MXD4: variants seen among roughly 807,000 people sequenced by gnomAD.
MXD4 encodes the protein Mad4 homolog.
MXD4 carries 16 observed loss-of-function variants against 24.5 expected under a neutral mutation model. That is an observed-to-expected ratio of 0.65 (90% CI 0.44 to 0.99). The LOEUF is 0.99. Ranked by LOEUF, MXD4 falls within the 50% of genes least tolerant of loss-of-function variation. The pLI, the probability that MXD4 is intolerant of heterozygous loss-of-function variation, is 0.00. For missense variants in MXD4, 301 were observed against 301.5 expected, an observed-to-expected ratio of 1.00 and a Z score of 0.01; for synonymous variants, 164 against 134.2, an observed-to-expected ratio of 1.22 and a Z score of -1.54.
At chr4:2,259,003 T>C (rs993480427) in intron 2 of MXD4, 11 of 454,760 alleles carry the variant, frequency 2.4e-5, no homozygotes, top group African/African-American at 1.4e-4. Context: ...CCACCTTCCG[T>C]GTCCAGGCAG....
At chr4:2,261,490 G>A (rs1310997187) in intron 2 of MXD4, among the ~76,000 whole-genome samples, 1 of 151,120 alleles carries the variant, frequency 6.6e-6, no homozygotes, top group Admixed American at 6.6e-5. Context: ...GCGTGGCACT[G>A]TTTACGCGAG....
Position 2,248,702 on chromosome 4 carries a change from T to C in MXD4, c.*1842A>G, listed in dbSNP as rs1227803482. ...CCTACAGCCTGCAGGGCAGGTTCTG[T>C]GCCAGAGTTGTTTCCAGGGACCCCC... On this transcript the variant is annotated 3_prime_UTR_variant, in exon 6 of 6. Coordinates refer to ENST00000337190, the MANE Select transcript of MXD4 (RefSeq NM_006454.3). 6.6e-6 allele frequency: 1 copy of C among 152,300 alleles called. No homozygotes were observed. Among genetic ancestry groups the C allele is most frequent in the Admixed American group, 6.5e-5 (1 of 15,290 alleles). The allele number at this position is 152,300 out of a possible 1,614,324, so 9.4% of individuals were successfully genotyped here. A position where few individuals can be genotyped will look rare whatever the true frequency, so the allele number is the denominator to read the frequency against.
In MXD4 at chr4:2,248,607, G is replaced by A. The variant is rs1735246823; in HGVS notation, c.*1937C>T. 2 of 152,372 alleles carry A rather than the reference G, an allele frequency of 1.3e-5. No individual in the cohort carries two copies. Among genetic ancestry groups the A allele is most frequent in the Admixed American group, 6.5e-5 (1 of 15,286 alleles). 9.4% of individuals were successfully genotyped at this position (152,372 alleles called of 1,614,324 possible). A position where few individuals can be genotyped will look rare whatever the true frequency, so the allele number is the denominator to read the frequency against. ...CTGGACCCCAGTGGGGCCGGAAGGA[G>A]ATGCAGACAGGCCTCCTCACAACCA... On this transcript the variant is annotated 3_prime_UTR_variant, in exon 6 of 6. Transcript: ENST00000337190.
chr4:2,250,478 A>G lies in MXD4; in HGVS notation c.*66T>C. Reference sequence around the variant, plus strand: ...CTGTGGAGAGGCTGGCGTCAACTGAAGGAGAACTGGAGGGCTGACACGCGT... The same window carrying G: ...CTGTGGAGAGGCTGGCGTCAACTGAGGGAGAACTGGAGGGCTGACACGCGT... On this transcript the variant is annotated 3_prime_UTR_variant, in exon 6 of 6. Transcript: ENST00000337190. 1.4e-6 allele frequency: 2 copies of G among 1,464,924 alleles called. No individual in the cohort carries two copies. Among genetic ancestry groups the G allele is most frequent in the Admixed American group, 2.3e-5 (1 of 42,904 alleles). 90.7% of individuals were successfully genotyped at this position (1,464,924 alleles called of 1,614,324 possible). A position where few individuals can be genotyped will look rare whatever the true frequency, so the allele number is the denominator to read the frequency against.
At chr4:2,261,859 C>G (rs1400278012) in intron 1 of MXD4, 35 bp from the exon 2 acceptor site, 2 of 1,368,296 alleles carry the variant, frequency 1.5e-6, no homozygotes, top group African/African-American at 1.5e-5. Flanking sequence ...GGCCCCCGCC[C>G]GGCACGGCCC....
intron 2 of MXD4, among the ~76,000 whole-genome samples, chr4:2,259,919 C>T (rs1735504720): frequency 6.6e-6 from 1 of 152,228 alleles, no homozygotes; most frequent in South Asian, 2.1e-4. Flanking sequence ...TCCGGCCCCA[C>T]TCCCTACCCT....
chr4:2,261,387 C>T (rs1735540881), intron 2 of MXD4, among the ~76,000 whole-genome samples: 1 of 152,198 alleles, frequency 6.6e-6, no homozygotes, highest in Non-Finnish European at 1.5e-5. Flanking sequence ...CGGCCAGCGC[C>T]CGCTGACAAC....
At chr4:2,260,912 G>A (rs1735526605) in intron 2 of MXD4, among the ~76,000 whole-genome samples, 2 of 152,158 alleles carry the variant, frequency 1.3e-5, no homozygotes, top group Admixed American at 6.5e-5. Context: ...AAATCCCCGG[G>A]GAGCCCCGGC....
chr4:2,260,302 G>A (rs559332474), intron 2 of MXD4, among the ~76,000 whole-genome samples: 1 of 152,256 alleles, frequency 6.6e-6, no homozygotes, highest in Non-Finnish European at 1.5e-5. Context: ...TGGCAGGCAA[G>A]TAACCAAACC....
rs1437530270 is a variant in MXD4 at position 2,248,022 on chromosome 4, G to A, written c.*2522C>T. On this transcript the variant is annotated 3_prime_UTR_variant, in exon 6 of 6. Transcript: ENST00000337190. Reference sequence around the variant, plus strand: ...CTGGGAGGGCACACGCAGAGGCTCAGGAGCCCCGGGCTCTGTTCTGCTTCT... The same window carrying A: ...CTGGGAGGGCACACGCAGAGGCTCAAGAGCCCCGGGCTCTGTTCTGCTTCT... 1 of 152,340 alleles carries A rather than the reference G, an allele frequency of 6.6e-6. No homozygotes were observed. The highest frequency in any genetic ancestry group is 6.5e-5 in the Admixed American group (1 of 15,288). 9.4% of individuals were successfully genotyped at this position (152,340 alleles called of 1,614,324 possible). A position where few individuals can be genotyped will look rare whatever the true frequency, so the allele number is the denominator to read the frequency against.
At chr4:2,257,037 T>C (rs989132964) in intron 3 of MXD4, among the ~76,000 whole-genome samples, 1 of 152,130 alleles carries the variant, frequency 6.6e-6, no homozygotes, top group African/African-American at 2.4e-5. Flanking sequence ...GAAACACACA[T>C]GACCTGTCCA....
chr4:2,252,550 G>C, intron 3 of MXD4, 28 bp from the exon 4 acceptor site: 1 of 1,553,750 alleles, frequency 6.4e-7, no homozygotes, highest in Non-Finnish European at 8.8e-7. Flanking sequence ...AGAACCATCA[G>C]GCTGGGGTGG....
At chr4:2,251,735 C>T (rs1267935692) in intron 4 of MXD4, among the ~76,000 whole-genome samples, 1 of 152,272 alleles carries the variant, frequency 6.6e-6, no homozygotes, top group Non-Finnish European at 1.5e-5. Flanking sequence ...TGAGACACTG[C>T]TTGCTCTGTG....
Position 2,248,682 on chromosome 4 carries a change from A to T in MXD4, c.*1862T>A, listed in dbSNP as rs1735248847. The T allele has an allele frequency of 6.6e-6, 1 of 152,328 alleles. No homozygotes were observed. Among genetic ancestry groups the T allele is most frequent in the South Asian group, 2.1e-4 (1 of 4,832 alleles). The allele number at this position is 152,328 out of a possible 1,614,324, so 9.4% of individuals were successfully genotyped here. ...CAGCTCCAGGCACCATGCCCCCTACAGCCTGCAGGGCAGGTTCTGTGCCAG... is the reference window on the plus strand; with the variant it reads ...CAGCTCCAGGCACCATGCCCCCTACTGCCTGCAGGGCAGGTTCTGTGCCAG... On this transcript the variant is annotated 3_prime_UTR_variant, in exon 6 of 6. Coordinates refer to ENST00000337190, the MANE Select transcript of MXD4 (RefSeq NM_006454.3).
chr4:2,254,183 C>G (rs909272665), intron 3 of MXD4: 4 of 151,676 alleles, frequency 2.6e-5, no homozygotes, highest in Non-Finnish European at 5.9e-5. Flanking sequence ...TTTAAAAATG[C>G]AAATCAACAA....
At chr4:2,259,221 C>A (rs1395930404) in intron 2 of MXD4, among the ~76,000 whole-genome samples, 1 of 152,222 alleles carries the variant, frequency 6.6e-6, no homozygotes, top group Non-Finnish European at 1.5e-5. Flanking sequence ...ACCACTCAGG[C>A]CAAGGGCCTG....
rs939451897 is a variant in MXD4, at chr4:2,247,961, G to A, written c.*2583C>T. 2 of 152,462 alleles carry A rather than the reference G, an allele frequency of 1.3e-5. No individual in the cohort carries two copies. Among genetic ancestry groups the A allele is most frequent in the African/African-American group, 4.8e-5 (2 of 41,480 alleles). The allele number at this position is 152,462 out of a possible 1,614,324, so 9.4% of individuals were successfully genotyped here. On this transcript the variant is annotated 3_prime_UTR_variant, in exon 6 of 6. Transcript: ENST00000337190. Reference sequence around the variant, plus strand: ...ATAAGGCTGGGGAACCCAAGCCTGAGTCTGGGTGCTCAGTGGCCGAGAGCA... The same window carrying A: ...ATAAGGCTGGGGAACCCAAGCCTGAATCTGGGTGCTCAGTGGCCGAGAGCA...
chr4:2,260,621 C>A (rs1313162790), intron 2 of MXD4: 1 of 454,876 alleles, frequency 2.2e-6, no homozygotes, highest in South Asian at 1.6e-5. Flanking sequence ...CCAAACTGTC[C>A]CCAGTAGGGG....
At chr4:2,251,350 C>T in intron 4 of MXD4, 104 bp from the exon 5 acceptor site, 1 of 1,357,880 alleles carries the variant, frequency 7.4e-7, no homozygotes, top group South Asian at 1.5e-5. Context: ...GGTTCCCCAT[C>T]CCTGCCAAGA....
Sources: allele counts gnomAD v4.1 joint callset (sites outside exome capture counted in the v4.1 genomes callset), GRCh38; gene constraint gnomAD v4.1.1; transcripts MANE v1.5; gene names NCBI Gene and HGNC (gene_info 2026-07-23, HGNC 2026-07-21).